Variants in ADAM12 observed in about 807,000 individuals in gnomAD.
ADAM12 encodes the protein ADAM metallopeptidase domain 12.
In ADAM12, 70 loss-of-function variants were observed where a neutral mutation model predicts 106.4. The observed-to-expected ratio is 0.66, with a 90% confidence interval of 0.54 to 0.80. The LOEUF is 0.80. ADAM12 is among the 30% of genes least tolerant of loss of function. The pLI is 0.00. For synonymous variants in ADAM12, 420 were observed against 433.5 expected, an observed-to-expected ratio of 0.97 and a Z score of 0.39; for missense variants, 1,010 against 1,171.9, an observed-to-expected ratio of 0.86 and a Z score of 2.02.
intron 3 of ADAM12, among the ~76,000 whole-genome samples, chr10:126,249,157 T>C (rs1958691783): frequency 6.6e-6 from 1 of 152,220 alleles, no homozygotes; most frequent in East Asian, 1.9e-4. Flanking sequence ...TTGCCTCCTC[T>C]AGGCTAAAAT....
chr10:126,128,746 A>G (rs1956249804), intron 5 of ADAM12, among the ~76,000 whole-genome samples: 1 of 129,958 alleles, frequency 7.7e-6, no homozygotes, highest in Non-Finnish European at 1.6e-5. Context: ...CGTGTGTGGG[A>G]ATGTGTGCAA....
At chr10:126,238,251 A>G (rs7906216) in intron 3 of ADAM12, among the ~76,000 whole-genome samples, 27,154 of 152,168 alleles carry the variant, frequency 0.18, 3,197 homozygotes, top group African/African-American at 0.33. Context: ...AGGCCAAGGC[A>G]GGTGGATCAC....
At position 126,135,165 on chromosome 10, in the gene ADAM12, C is replaced by G. The variant is rs78438525; in HGVS notation, c.416+419G>C. 1.4e-3 allele frequency among the ~76,000 whole-genome samples: 212 copies of G among 152,348 alleles called. 2 individuals are homozygous for G. In the East Asian group the frequency reaches 0.038, roughly 27 times the overall value. On this transcript the variant is annotated intron_variant, in intron 5 of 22. Transcript: ENST00000448723. ...GGTTGTTGCTAAATTAGTTTCCTTA[C>G]TTTGTTTCCTAATGAGAGGAGGCCC...
chr10:126,294,143 G>C (rs545211185), intron 2 of ADAM12, among the ~76,000 whole-genome samples: 1 of 152,172 alleles, frequency 6.6e-6, no homozygotes, highest in Admixed American at 6.5e-5. Context: ...TGCTGACAGG[G>C]CAGAACCTGA....
At chr10:126,319,488 A>G (rs901621170) in intron 2 of ADAM12, among the ~76,000 whole-genome samples, 1 of 152,112 alleles carries the variant, frequency 6.6e-6, no homozygotes, top group Non-Finnish European at 1.5e-5. Flanking sequence ...AACGCTGGAA[A>G]ATCCCAGCTG....
chr10:126,085,243 C>A (rs751375460), intron 11 of ADAM12, among the ~76,000 whole-genome samples: 13 of 152,158 alleles, frequency 8.5e-5, no homozygotes, highest in Non-Finnish European at 1.6e-4. Flanking sequence ...TTATTTTCTT[C>A]TATTTATTGT....
intron 3 of ADAM12, among the ~76,000 whole-genome samples, chr10:126,240,033 C>T (rs554337987): frequency 3.9e-5 from 6 of 152,314 alleles, no homozygotes; most frequent in Non-Finnish European, 8.8e-5. Context: ...CTGCTCTGCC[C>T]GGAGTCGACT....
chr10:126,291,243 C>G (rs1462710394), intron 2 of ADAM12, among the ~76,000 whole-genome samples: 1 of 152,104 alleles, frequency 6.6e-6, no homozygotes, highest in African/African-American at 2.4e-5. Flanking sequence ...AAGCTGTCTT[C>G]TAGAAAAATA....
rs562120160 is a variant in ADAM12 at position 126,185,788 on chromosome 10, C to G, written c.261-30483G>C. ...CAGCCCAATGCAAGCAATAATTTTACCATCATCATGACTGTCTCAGGAAAC... is the reference window on the plus strand; with the variant it reads ...CAGCCCAATGCAAGCAATAATTTTAGCATCATCATGACTGTCTCAGGAAAC... On this transcript the variant is annotated intron_variant, in intron 3 of 22. Transcript: ENST00000448723. Among the ~76,000 whole-genome samples the G allele has an allele frequency of 1.3e-5, 2 of 152,230 alleles. 1 individual carries two copies. The highest frequency in any genetic ancestry group is 4.8e-5 in the African/African-American group (2 of 41,554).
chr10:126,326,378 G>C (rs961519406), intron 2 of ADAM12, among the ~76,000 whole-genome samples: 4 of 152,158 alleles, frequency 2.6e-5, no homozygotes, highest in African/African-American at 9.7e-5. Flanking sequence ...CACCAAATTA[G>C]ACAGGGGGTC....
At chr10:126,048,875 T>G (rs995257963) in intron 16 of ADAM12, among the ~76,000 whole-genome samples, 1 of 152,192 alleles carries the variant, frequency 6.6e-6, no homozygotes, top group African/African-American at 2.4e-5. Context: ...AAAATACATC[T>G]GATTTCCCAT....
chr10:126,088,793 C>A (rs186420389), intron 11 of ADAM12, among the ~76,000 whole-genome samples: 1 of 151,476 alleles, frequency 6.6e-6, no homozygotes, highest in African/African-American at 2.4e-5. Flanking sequence ...GTTTGTGTTC[C>A]GTGTCCAGGC....
chr10:126,090,845 G>C (rs546068590), intron 11 of ADAM12: 1 of 152,322 alleles, frequency 6.6e-6, no homozygotes, highest in South Asian at 2.1e-4. Context: ...AATAAACAAG[G>C]TATATGAAGG....
intron 2 of ADAM12, among the ~76,000 whole-genome samples, chr10:126,309,656 T>G (rs1960996186): frequency 6.6e-6 from 1 of 152,136 alleles, no homozygotes; most frequent in African/African-American, 2.4e-5. Context: ...TTCTTGGGAG[T>G]TGGCTCTGTC....
intron 3 of ADAM12, among the ~76,000 whole-genome samples, chr10:126,172,838 C>T (rs541093743): frequency 4.9e-4 from 74 of 152,156 alleles, no homozygotes; most frequent in Non-Finnish European, 3.4e-4. Context: ...TTCACAATAG[C>T]AAAGACTTGG....
At chr10:126,344,362 G>A (rs895385646) in intron 1 of ADAM12, among the ~76,000 whole-genome samples, 3 of 151,988 alleles carry the variant, frequency 2.0e-5, no homozygotes, top group South Asian at 4.2e-4. Context: ...TGAGGGCTCT[G>A]TTCTGTTCCA....
At chr10:126,133,570 C>T (rs1459250179) in intron 5 of ADAM12, among the ~76,000 whole-genome samples, 2 of 152,182 alleles carry the variant, frequency 1.3e-5, no homozygotes, top group Admixed American at 6.5e-5. Flanking sequence ...CAGTCTATTT[C>T]CAGCCTGGCA....
At chr10:126,303,944 C>T (rs1960731783) in intron 2 of ADAM12, among the ~76,000 whole-genome samples, 1 of 152,178 alleles carries the variant, frequency 6.6e-6, no homozygotes, top group African/African-American at 2.4e-5. Flanking sequence ...TAGAACCATA[C>T]TATAAATTTC....
intron 1 of ADAM12, among the ~76,000 whole-genome samples, chr10:126,365,232 C>T (rs1309227136): frequency 1.3e-5 from 2 of 152,160 alleles, no homozygotes; most frequent in Non-Finnish European, 2.9e-5. Context: ...TAACATTCTG[C>T]TTCCGGTGCC....
Sources: gnomAD v4.1 joint callset for allele counts (sites outside exome capture counted in the v4.1 genomes callset) on GRCh38, gnomAD v4.1.1 for gene constraint, MANE v1.5 for transcripts, NCBI Gene and HGNC (gene_info 2026-07-23, HGNC 2026-07-21) for gene names.